Variants in CYB561D2 observed in about 807,000 individuals in gnomAD.
The protein encoded by CYB561D2 is cytochrome b561 family member D2.
Under a neutral mutation model 20.2 loss-of-function variants are expected in CYB561D2, and 16 were observed. The ratio of observed to expected loss-of-function variants is 0.79; its 90% CI spans 0.53 to 1.20. CYB561D2 has a LOEUF of 1.20. CYB561D2 is among the 50% of genes most tolerant of loss of function. The pLI is 0.00. For synonymous variants in CYB561D2, 135 were observed against 128.3 expected (o/e 1.05, Z -0.35); for missense variants, 247 against 270.3 (o/e 0.91, Z 0.60).
chr3:50,352,618 G>A (rs1158961834), intron 3 of CYB561D2, among the ~76,000 whole-genome samples: 4 of 149,744 alleles, frequency 2.7e-5, no homozygotes, highest in Admixed American at 1.3e-4. Flanking sequence ...CCCGGAAGGC[G>A]GAGATTGCAG....
At chr3:50,351,631 C>T in intron 2 of CYB561D2, 71 bp downstream of exon 2, 1 of 1,561,214 alleles carries the variant, frequency 6.4e-7, no homozygotes, top group Non-Finnish European at 8.7e-7. Flanking sequence ...GGCAGTGGGA[C>T]TTCCGGGAAC....
rs749930129 is a variant in CYB561D2, at chr3:50,353,667, T to A, written c.592T>A (p.Cys198Ser). The A allele has an allele frequency of 3.4e-5, 55 of 1,613,510 alleles. No homozygotes were observed. The highest frequency in any genetic ancestry group is 2.2e-5 in the Non-Finnish European group (26 of 1,180,030). ...TGAAWYLAVL[C>S]PVLTSLVIMN... ...TGCAGCCTGGTACCTGGCTGTATTA[T>A]GCCCTGTCCTCACCAGCTTGGTCAT... Residue 198 changes from cysteine to serine, a missense_variant, in exon 4 of 4, where the codon TGC becomes AGC. Physicochemically the swap from Cys to Ser is moderately radical, Grantham distance 112. Transcript: ENST00000425346.
intron 1 of CYB561D2, 128 bp downstream of exon 1, chr3:50,351,112 C>G (rs1405208583): frequency 1.6e-5 from 7 of 442,438 alleles, no homozygotes; most frequent in Admixed American, 4.2e-5. Context: ...GCCCTCCCAG[C>G]TGGCTCTACT....
intron 3 of CYB561D2, among the ~76,000 whole-genome samples, chr3:50,352,684 CAAAAAAAAAAAAA>C (rs59516380): frequency 2.2e-5 from 1 of 45,706 alleles, no homozygotes; most frequent in South Asian, 8.4e-4. Context: ...AGACTATCTC[CAAAAAAAAAAAAA>C]AAAAAAAAAA....
intron 3 of CYB561D2, 36 bp downstream of exon 3, chr3:50,352,082 A>G: frequency 1.2e-6 from 2 of 1,612,670 alleles, no homozygotes; most frequent in Non-Finnish European, 1.7e-6. Context: ...TAGGGGTGGG[A>G]GCATGGGCAT....
chr3:50,351,164 A>G (rs1336039094), intron 1 of CYB561D2, 180 bp downstream of exon 1: 1 of 509,638 alleles, frequency 2.0e-6, no homozygotes, highest in Non-Finnish European at 3.3e-6. Context: ...GTAGTCTTAC[A>G]TGGCTTTGCG....
chr3:50,350,913 C>G lies in CYB561D2; in HGVS notation c.-97C>G. The G allele has an allele frequency of 7.2e-7, 1 of 1,390,696 alleles. No homozygotes were observed. The highest frequency in any genetic ancestry group is 9.3e-7 in the Non-Finnish European group (1 of 1,076,734). 86.1% of individuals were successfully genotyped at this position (1,390,696 alleles called of 1,614,324 possible). A position where few individuals can be genotyped will look rare whatever the true frequency, so the allele number is the denominator to read the frequency against. ...CTCCGTGACGGAGCGGCGGTGCGCG[C>G]GGCAGGGCCCGGAGTATCCCGCTTT... On this transcript the variant is annotated 5_prime_UTR_variant, in exon 1 of 4. Transcript: ENST00000425346. This position sits in a 1 kb window ranked among gnomAD's most constrained non-coding sequence, Gnocchi z 5.7.
chr3:50,351,356 G>A lies in CYB561D2; in HGVS notation c.-25-53G>A, dbSNP rs1448072970. The A allele has an allele frequency of 9.6e-6, 15 of 1,556,398 alleles. No individual in the cohort carries two copies. In the Admixed American group the frequency reaches 2.8e-4, roughly 29 times the overall value. ...CCTGCCTTGCAGCCTTTTCTCCAGT[G>A]AGGAGTGAACAGTGGGCACCTGAGA... On this transcript the variant is annotated intron_variant, in intron 1 of 3. Transcript: ENST00000425346.
rs1703829710 is a variant in CYB561D2, at chr3:50,354,032, A to T, written c.*288A>T. ...CTCATACTTGTACTGTATGTTCAGAAATTTTAGGAGAGAAAAAAGTAAAAA... is the reference window on the plus strand; with the variant it reads ...CTCATACTTGTACTGTATGTTCAGATATTTTAGGAGAGAAAAAAGTAAAAA... On this transcript the variant is annotated 3_prime_UTR_variant, in exon 4 of 4. Coordinates refer to ENST00000425346, the MANE Select transcript of CYB561D2 (RefSeq NM_001291284.2). The T allele has an allele frequency of 2.9e-6, 1 of 339,126 alleles. No individual in the cohort carries two copies. Among genetic ancestry groups the T allele is most frequent in the South Asian group, 1.0e-4 (1 of 9,720 alleles). 21.0% of individuals were successfully genotyped at this position (339,126 alleles called of 1,614,324 possible). A position where few individuals can be genotyped will look rare whatever the true frequency, so the allele number is the denominator to read the frequency against.
rs779204358 is a variant in CYB561D2, at chr3:50,353,444, AG to A, written c.372del (p.Leu125CysfsTer83). The A allele has an allele frequency of 6.2e-7, 1 of 1,613,202 alleles. No homozygotes were observed. Among genetic ancestry groups the A allele is most frequent in the African/African-American group, 1.3e-5 (1 of 75,066 alleles). On this transcript the variant is annotated frameshift_variant, in exon 4 of 4. Coordinates refer to ENST00000425346, the MANE Select transcript of CYB561D2 (RefSeq NM_001291284.2). LOFTEE classifies it high-confidence loss of function. ...AHLVTRHGQA[G>X]LLAVLWAGLQ... ...ACCTGGTTACGCGGCATGGGCAGGC[AG>A]GGCTGCTGGCTGTGCTGTGGGCAGG...
At chr3:50,352,681 C>T (rs1703798105) in intron 3 of CYB561D2, among the ~76,000 whole-genome samples, 1 of 112,824 alleles carries the variant, frequency 8.9e-6, no homozygotes, top group South Asian at 2.9e-4. Context: ...GAGAGACTAT[C>T]TCCAAAAAAA....
At chr3:50,351,072 C>T (rs1703746011) in intron 1 of CYB561D2, 88 bp downstream of exon 1, 1 of 473,144 alleles carries the variant, frequency 2.1e-6, no homozygotes, top group African/African-American at 2.0e-5. Context: ...GGGACCGCAG[C>T]AGGGAACTAC....
chr3:50,353,316 G>C lies in CYB561D2; in HGVS notation c.241G>C (p.Gly81Arg), dbSNP rs373615426. 3.7e-6 allele frequency: 6 copies of C among 1,608,012 alleles called. No individual in the cohort carries two copies. The highest frequency in any genetic ancestry group is 5.1e-6 in the Non-Finnish European group (6 of 1,175,532). Residue 81 changes from glycine (G) to arginine (R), a missense_variant, in exon 4 of 4, where the codon GGC (glycine) becomes CGC (arginine). Gly to Arg is a moderately radical substitution (Grantham distance 125). Transcript: ENST00000425346. ...SSLLHSLSRK[G>R]RARCHWVLQL... ...GCTGCTGCACTCCCTCTCACGGAAA[G>C]GCCGAGCACGCTGCCACTGGGTGCT... is the stretch of plus-strand genomic sequence containing the variant.
Position 50,350,914 on chromosome 3 carries a change from G to A in CYB561D2, c.-96G>A. On this transcript the variant is annotated 5_prime_UTR_variant, in exon 1 of 4. Coordinates refer to ENST00000425346, the MANE Select transcript of CYB561D2 (RefSeq NM_001291284.2). This position sits in a 1 kb window ranked among gnomAD's most constrained non-coding sequence, Gnocchi z 5.7. ...TCCGTGACGGAGCGGCGGTGCGCGC[G>A]GCAGGGCCCGGAGTATCCCGCTTTC... 2.9e-6 allele frequency: 4 copies of A among 1,393,302 alleles called. No individual in the cohort carries two copies. Among genetic ancestry groups the A allele is most frequent in the Non-Finnish European group, 3.7e-6 (4 of 1,078,262 alleles). 86.3% of individuals were successfully genotyped at this position (1,393,302 alleles called of 1,614,324 possible).
intron 1 of CYB561D2, chr3:50,351,192 G>T (rs997667076): frequency 1.9e-6 from 1 of 537,000 alleles, no homozygotes. Flanking sequence ...CCTGGAAGGC[G>T]GGCCAGCGAT....
At chr3:50,351,157 G>C (rs1004957116) in intron 1 of CYB561D2, 173 bp downstream of exon 1, 4 of 499,672 alleles carry the variant, frequency 8.0e-6, no homozygotes, top group African/African-American at 7.9e-5. Context: ...GGGATTTGTA[G>C]TCTTACATGG....
chr3:50,351,600 C>T (rs1445352286), intron 2 of CYB561D2, 40 bp downstream of exon 2: 1 of 1,595,038 alleles, frequency 6.3e-7, no homozygotes, highest in South Asian at 1.1e-5. Context: ...AAGGGAAGGG[C>T]CACTGTTCCT....
At chr3:50,351,271 C>A in intron 1 of CYB561D2, 138 bp from the exon 2 acceptor site, 1 of 955,140 alleles carries the variant, frequency 1.0e-6, no homozygotes, top group Non-Finnish European at 1.5e-6. Flanking sequence ...TGTGACCATT[C>A]CTGGTGCTGG....
chr3:50,351,848 G>A (rs1293992864), intron 2 of CYB561D2, among the ~76,000 whole-genome samples, 161 bp from the exon 3 acceptor site: 1 of 152,222 alleles, frequency 6.6e-6, no homozygotes, highest in African/African-American at 2.4e-5. Context: ...GCCAGGAAGA[G>A]AGGATAGGTG....
Sources: allele counts gnomAD v4.1 joint callset (sites outside exome capture counted in the v4.1 genomes callset), GRCh38; gene constraint gnomAD v4.1.1; non-coding constraint Gnocchi (gnomAD v3.1); transcripts MANE v1.5; gene names NCBI Gene and HGNC (gene_info 2026-07-23, HGNC 2026-07-21).